DAB1: variants seen among roughly 807,000 people sequenced by gnomAD.
DAB1 encodes disabled homolog 1.
Under a neutral mutation model 64.6 loss-of-function variants are expected in DAB1, and 15 were observed. That is an observed-to-expected ratio of 0.23 (90% confidence interval 0.16 to 0.36). The LOEUF is 0.36. Ranked by LOEUF, DAB1 falls within the 10% of genes least tolerant of loss-of-function variation. The probability of loss-of-function intolerance (pLI) is 1.00; values close to 1 mark genes in which losing one functional copy is unlikely to be tolerated. For missense variants in DAB1, 596 were observed against 706.7 expected, an observed-to-expected ratio of 0.84 and a Z score of 1.78; for synonymous variants, 235 against 251.9, an observed-to-expected ratio of 0.93 and a Z score of 0.64.
chr1:58,086,033 G>T (rs976002031), intron 5 of DAB1, among the ~76,000 whole-genome samples: 1 of 138,334 alleles, frequency 7.2e-6, no homozygotes, highest in African/African-American at 2.8e-5. Context: ...GCGGGATCTC[G>T]GCTCACTGCA....
At chr1:57,748,621 T>C (rs924994100) in intron 6 of DAB1, among the ~76,000 whole-genome samples, 2 of 152,204 alleles carry the variant, frequency 1.3e-5, no homozygotes, top group African/African-American at 2.4e-5. Context: ...AATTTAGATT[T>C]AAATTTGATA....
At chr1:58,198,999 G>A (rs1657849897) in intron 4 of DAB1, among the ~76,000 whole-genome samples, 1 of 152,210 alleles carries the variant, frequency 6.6e-6, no homozygotes, top group Middle Eastern at 3.4e-3. Context: ...CACAGCTACT[G>A]GGGAGGCTGA....
At chr1:57,292,216 C>T (rs922539762) in intron 1 of DAB1, among the ~76,000 whole-genome samples, 1 of 152,036 alleles carries the variant, frequency 6.6e-6, no homozygotes, top group Non-Finnish European at 1.5e-5. Flanking sequence ...GAATAATGAC[C>T]CCAACCTCTT....
rs115330796 is a variant in DAB1, at chr1:58,245,755, T to G, written n.310-95167A>C. ...ACTGTGAAGATTAAGCAAACAATTT[T>G]TAATGTAATTTAAAATTTAAACCCA... On this transcript the variant is annotated intron_variant and non_coding_transcript_variant, in intron 4 of 20. Transcript: ENST00000485760. Among the ~76,000 whole-genome samples the G allele has an allele frequency of 8.8e-3, 1,346 of 152,308 alleles. 25 individuals carry two copies. The highest frequency in any genetic ancestry group is 0.031 in the African/African-American group (1,298 of 41,574).
chr1:57,367,801 C>T (rs565697579), intron 1 of DAB1, among the ~76,000 whole-genome samples: 1 of 152,224 alleles, frequency 6.6e-6, no homozygotes, highest in East Asian at 1.9e-4. Context: ...GCTGCAGACC[C>T]AGGCCTCCTG....
intron 6 of DAB1, among the ~76,000 whole-genome samples, chr1:57,679,258 C>G (rs1232587663): frequency 6.6e-6 from 1 of 152,142 alleles, no homozygotes; most frequent in African/African-American, 2.4e-5. Flanking sequence ...GGTAGGGAGA[C>G]AAAGTTGTTG....
At chr1:57,937,662 T>C (rs1645046209) in intron 5 of DAB1, among the ~76,000 whole-genome samples, 1 of 152,096 alleles carries the variant, frequency 6.6e-6, no homozygotes, top group Non-Finnish European at 1.5e-5. Context: ...CTGGGCAAAA[T>C]AGCATCCCCA....
chr1:57,452,845 G>A (rs376885404), intron 7 of DAB1, among the ~76,000 whole-genome samples: 4 of 151,964 alleles, frequency 2.6e-5, no homozygotes, highest in Admixed American at 6.6e-5. Flanking sequence ...GTAGATGTGG[G>A]AAGAAGGAAG....
intron 1 of DAB1, among the ~76,000 whole-genome samples, chr1:57,848,106 T>C (rs1386896477): frequency 6.6e-6 from 1 of 152,202 alleles, no homozygotes; most frequent in Admixed American, 6.5e-5. Flanking sequence ...AAGTATTATG[T>C]TAAACAACCT....
chr1:58,424,050 T>C (rs952512790), intron 3 of DAB1, among the ~76,000 whole-genome samples: 1 of 152,194 alleles, frequency 6.6e-6, no homozygotes, highest in Non-Finnish European at 1.5e-5. Flanking sequence ...AGTTCTGCCA[T>C]GTCCTTGGAC....
At chr1:57,543,716 C>T (rs901393859) in intron 7 of DAB1, among the ~76,000 whole-genome samples, 2 of 152,094 alleles carry the variant, frequency 1.3e-5, no homozygotes, top group Admixed American at 6.5e-5. Flanking sequence ...GAAGGAATGG[C>T]ATTGCCGAGC....
chr1:57,033,617 C>T (rs1647034852), intron 9 of DAB1: 12 of 1,552,634 alleles, frequency 7.7e-6, no homozygotes, highest in Middle Eastern at 3.4e-4. Context: ...GTGAATGACA[C>T]ACAAATGACA....
chr1:57,333,846 G>T (rs774586990), intron 1 of DAB1, among the ~76,000 whole-genome samples: 1 of 152,122 alleles, frequency 6.6e-6, no homozygotes. Context: ...AAACAAATTT[G>T]ATATTTACCA....
intron 3 of DAB1, among the ~76,000 whole-genome samples, chr1:58,490,801 T>A (rs1301446746): frequency 8.6e-6 from 1 of 115,794 alleles, no homozygotes; most frequent in African/African-American, 3.5e-5. Context: ...CATTCTTTTT[T>A]TTTTTTTTTT....
At chr1:57,658,193 ACT>A (rs1422019849) in intron 6 of DAB1, among the ~76,000 whole-genome samples, 1 of 151,154 alleles carries the variant, frequency 6.6e-6, no homozygotes, top group Admixed American at 6.6e-5. Flanking sequence ...TGTTCCAATG[ACT>A]CTGTGTTTTC....
rs141610792 is a variant in DAB1, at chr1:57,941,813, C to T, written n.388-57651G>A. On this transcript the variant is annotated intron_variant and non_coding_transcript_variant, in intron 5 of 20. Transcript: ENST00000485760. ...TTGCACCACTGCACTCCAGCCTGGG[C>T]GACAGAGTGAGACTCCGTCTCTTAA... Among the ~76,000 whole-genome samples, 110 of 151,788 alleles carry T rather than the reference C, an allele frequency of 7.2e-4. 2 individuals are homozygous for T. The highest frequency in any genetic ancestry group is 3.4e-3 in the Middle Eastern group (1 of 294).
intron 3 of DAB1, among the ~76,000 whole-genome samples, chr1:58,440,956 TTTC>T (rs541223932): frequency 9.1e-4 from 138 of 152,308 alleles, no homozygotes; most frequent in Non-Finnish European, 1.7e-3. Flanking sequence ...GTGCTTAATC[TTTC>T]AGGGAAACTG....
chr1:58,075,087 T>C (rs1649557221), intron 5 of DAB1, among the ~76,000 whole-genome samples: 1 of 152,172 alleles, frequency 6.6e-6, no homozygotes, highest in African/African-American at 2.4e-5. Flanking sequence ...CTTTAGTTTG[T>C]TCCTTCTCTG....
At chr1:57,653,594 T>G (rs1399123332) in intron 6 of DAB1, among the ~76,000 whole-genome samples, 1 of 152,102 alleles carries the variant, frequency 6.6e-6, no homozygotes, top group Non-Finnish European at 1.5e-5. Flanking sequence ...ATAGAGTACA[T>G]GCATCTTCAG....
Sources: allele counts gnomAD v4.1 joint callset (sites outside exome capture counted in the v4.1 genomes callset), GRCh38; gene constraint gnomAD v4.1.1; transcripts MANE v1.5; gene names NCBI Gene and HGNC (gene_info 2026-07-23, HGNC 2026-07-21).